Variants in ACTN2 observed in about 807,000 individuals in gnomAD.
ACTN2 encodes the protein alpha-actinin-2.
In ACTN2, 39 loss-of-function variants were observed where a neutral mutation model predicts 113.8. The ratio of observed to expected loss-of-function variants is 0.34; its 90% confidence interval spans 0.27 to 0.45. The LOEUF is 0.45. Ranked by LOEUF, ACTN2 falls within the 20% of genes least tolerant of loss-of-function variation. ACTN2 has a pLI of 1.00. For synonymous variants in ACTN2, 429 were observed against 444.1 expected (o/e 0.97, Z 0.43); for missense variants, 992 against 1,177.9 (o/e 0.84, Z 2.31).
At chr1:236,710,681 G>A (rs1351337482) in intron 1 of ACTN2, among the ~76,000 whole-genome samples, 3 of 152,260 alleles carry the variant, frequency 2.0e-5, no homozygotes, top group Admixed American at 1.3e-4. Flanking sequence ...GGTGAGCAGC[G>A]GATGACCAAG....
At chr1:236,736,287 C>T (rs1312134744) in intron 8 of ACTN2, among the ~76,000 whole-genome samples, 1 of 152,224 alleles carries the variant, frequency 6.6e-6, no homozygotes, top group Non-Finnish European at 1.5e-5. Flanking sequence ...TGTTCCTCTC[C>T]TTGGAGGATC....
chr1:236,751,459 C>T lies in ACTN2; in HGVS notation c.1657-11C>T, dbSNP rs1659391117. 1 of 1,613,938 alleles carries T rather than the reference C, an allele frequency of 6.2e-7. No individual in the cohort carries two copies. Among genetic ancestry groups the T allele is most frequent in the South Asian group, 1.1e-5 (1 of 91,052 alleles). On this transcript the variant is annotated splice_polypyrimidine_tract_variant and intron_variant, in intron 14 of 20. Coordinates refer to ENST00000366578, the MANE Select transcript of ACTN2 (RefSeq NM_001103.4). ...CCACATTGTTTTTCTCCACTTGTGT[C>T]TCGGGTGTAGAGTCTGATCACTGCG...
At chr1:236,686,949 CT>C in intron 1 of ACTN2, 150 bp downstream of exon 1, 2 of 896,994 alleles carry the variant, frequency 2.2e-6, no homozygotes, top group Non-Finnish European at 3.0e-6. Flanking sequence ...CCGGGGGCCC[CT>C]TAGGAAAGAG....
Position 236,749,214 on chromosome 1 carries a change from A to G in ACTN2, c.1606A>G (p.Met536Val), listed in dbSNP as rs755708114. 14 of 1,614,080 alleles carry G rather than the reference A, an allele frequency of 8.7e-6. No individual in the cohort carries two copies. Among genetic ancestry groups the G allele is most frequent in the Non-Finnish European group, 1.0e-5 (12 of 1,180,034 alleles). Residue 536 changes from methionine to valine, a missense_variant, in exon 14 of 21, where the codon ATG (methionine) becomes GTG (valine). Coordinates refer to ENST00000366578, the MANE Select transcript of ACTN2 (RefSeq NM_001103.4). ...APFNNWMEGA[M>V]EDLQDMFIVH... ...TTTCAACAATTGGATGGAGGGCGCT[A>G]TGGAGGATCTGCAAGATATGTTCAT...
At chr1:236,703,464 T>C (rs2102872813) in intron 1 of ACTN2, among the ~76,000 whole-genome samples, 1 of 150,374 alleles carries the variant, frequency 6.7e-6, no homozygotes, top group Non-Finnish European at 1.5e-5. Context: ...TTTTGCCTTT[T>C]AGAGCAAACA....
chr1:236,762,505 T>C lies in ACTN2; in HGVS notation c.2571T>C (p.Asp857=). The change falls in exon 21 of 21, where the codon GAT becomes GAC. Residue 857 remains aspartate (D), a synonymous_variant. Transcript: ENST00000366578. ...AEELRRELPP[D]QAQYCIKRMP... ...AGCTGCGTCGGGAGCTGCCCCCGGA[T>C]CAGGCCCAGTACTGCATCAAGAGGA... 6.2e-7 allele frequency: 1 copy of C among 1,614,158 alleles called. No individual in the cohort carries two copies. The highest frequency in any genetic ancestry group is 8.5e-7 in the Non-Finnish European group (1 of 1,180,010).
chr1:236,739,772 C>A (rs767227516), intron 10 of ACTN2, among the ~76,000 whole-genome samples: 2 of 152,214 alleles, frequency 1.3e-5, no homozygotes, highest in Non-Finnish European at 2.9e-5. Context: ...AGGAAACGCT[C>A]GATGAACAGC....
chr1:236,734,488 T>C (rs892821340), intron 7 of ACTN2: 1 of 1,535,632 alleles, frequency 6.5e-7, no homozygotes, highest in Non-Finnish European at 8.7e-7. Context: ...ATGTTTCCTG[T>C]TACTATCATG....
chr1:236,744,738 C>T lies in ACTN2; in HGVS notation c.1368C>T (p.Asp456=), dbSNP rs747508871. The T allele has an allele frequency of 6.2e-7, 1 of 1,614,186 alleles. No individual in the cohort carries two copies. Among genetic ancestry groups the T allele is most frequent in the Non-Finnish European group, 8.5e-7 (1 of 1,180,038 alleles). Residue 456 remains aspartate (D), a synonymous_variant, in exon 12 of 21, where the codon GAC becomes GAT. Transcript: ENST00000366578. ...AFESDLAAHQ[D]RVEQIAAIAQ... The stretch of plus-strand genomic sequence containing the variant: ...AGAGCGACCTGGCAGCGCACCAGGA[C>T]CGCGTGGAGCAGATCGCAGCCATCG...
intron 7 of ACTN2, chr1:236,734,435 T>G: frequency 6.5e-7 from 1 of 1,533,962 alleles, no homozygotes; most frequent in South Asian, 1.2e-5. Flanking sequence ...CCACACAGAT[T>G]TAGTATACAC....
intron 1 of ACTN2, among the ~76,000 whole-genome samples, chr1:236,716,000 T>C (rs1017895922): frequency 1.3e-5 from 2 of 151,844 alleles, no homozygotes; most frequent in African/African-American, 4.8e-5. Context: ...GCTTAGAGTA[T>C]CTTTTCTGTT....
At position 236,738,159 on chromosome 1, in the gene ACTN2, A is replaced by G. The variant is rs563319009; in HGVS notation, c.876+945A>G. ...CAAGTAGCTGGGATTACAGGCGTGCACCACCACACCCAGCTAATTTTGTAT... is the reference window on the plus strand; with the variant it reads ...CAAGTAGCTGGGATTACAGGCGTGCGCCACCACACCCAGCTAATTTTGTAT... On this transcript the variant is annotated intron_variant, in intron 9 of 20. Coordinates refer to ENST00000366578, the MANE Select transcript of ACTN2 (RefSeq NM_001103.4). 4.6e-5 allele frequency among the ~76,000 whole-genome samples: 7 copies of G among 152,282 alleles called. No individual in the cohort carries two copies. The South Asian group carries it at 1.2e-3, about 27-fold the overall frequency.
intron 12 of ACTN2, among the ~76,000 whole-genome samples, chr1:236,745,485 C>T (rs1051781747): frequency 5.3e-5 from 8 of 152,168 alleles, no homozygotes; most frequent in Admixed American, 1.3e-4. Flanking sequence ...CACTGCCTCA[C>T]GTGTGCAGAA....
chr1:236,733,820 T>C (rs1658783562), intron 7 of ACTN2, among the ~76,000 whole-genome samples: 1 of 152,216 alleles, frequency 6.6e-6, no homozygotes, highest in Non-Finnish European at 1.5e-5. Context: ...CCTTAATTCC[T>C]GTCATTTGTG....
At chr1:236,721,299 T>C (rs1658388973) in intron 4 of ACTN2, among the ~76,000 whole-genome samples, 1 of 151,996 alleles carries the variant, frequency 6.6e-6, no homozygotes, top group Admixed American at 6.6e-5. Context: ...GTGCTGGGAT[T>C]ACAGGCATGA....
chr1:236,686,540 G>T lies in ACTN2; in HGVS notation c.-134G>T. The stretch of plus-strand genomic sequence containing the variant: ...CCGAGACCCAGCGCCCAGGCGTGTC[G>T]CCCCGAGAGGAGCCGCGCGAAGGTC... On this transcript the variant is annotated 5_prime_UTR_variant, in exon 1 of 21. Coordinates refer to ENST00000366578, the MANE Select transcript of ACTN2 (RefSeq NM_001103.4). The T allele has an allele frequency of 2.8e-6, 3 of 1,079,608 alleles. No individual in the cohort carries two copies. The highest frequency in any genetic ancestry group is 4.5e-5 in the Admixed American group (1 of 21,986). 66.9% of individuals were successfully genotyped at this position (1,079,608 alleles called of 1,614,324 possible).
chr1:236,730,562 G>A (rs967755780), intron 6 of ACTN2, among the ~76,000 whole-genome samples: 1 of 152,060 alleles, frequency 6.6e-6, no homozygotes, highest in African/African-American at 2.4e-5. Flanking sequence ...AATAAGAAAT[G>A]TTGCATCTTC....
intron 1 of ACTN2, among the ~76,000 whole-genome samples, chr1:236,711,391 C>T (rs886511568): frequency 2.6e-5 from 4 of 152,140 alleles, no homozygotes; most frequent in African/African-American, 9.7e-5. Flanking sequence ...CACTCTGTTG[C>T]CTAAGCTGGA....
chr1:236,750,233 A>G (rs964719225), intron 14 of ACTN2, among the ~76,000 whole-genome samples: 7 of 152,190 alleles, frequency 4.6e-5, no homozygotes, highest in Non-Finnish European at 8.8e-5. Flanking sequence ...TAAAATAGAT[A>G]TGTCATCAAA....
Sources: allele counts gnomAD v4.1 joint callset (sites outside exome capture counted in the v4.1 genomes callset), GRCh38; gene constraint gnomAD v4.1.1; transcripts MANE v1.5; gene names NCBI Gene and HGNC (gene_info 2026-07-23, HGNC 2026-07-21).